SYTL2: variants seen among roughly 807,000 people sequenced by gnomAD.
SYTL2 encodes synaptotagmin like 2.
Under a neutral mutation model 198.7 loss-of-function variants are expected in SYTL2, and 165 were observed. That is an observed-to-expected ratio of 0.83 (90% CI 0.73 to 0.94). The LOEUF (loss-of-function observed/expected upper bound fraction) is 0.94, where lower values mean the gene tolerates loss of function less well. Ranked by LOEUF, SYTL2 falls within the 40% of genes least tolerant of loss-of-function variation. SYTL2 has a pLI of 0.00. For missense variants in SYTL2, 2,835 were observed against 2,582.8 expected (o/e 1.10, Z -2.12); for synonymous variants, 966 against 917.7 (o/e 1.05, Z -0.95).
chr11:85,753,152 C>A (rs1325860817), intron 2 of SYTL2, among the ~76,000 whole-genome samples: 1 of 151,838 alleles, frequency 6.6e-6, no homozygotes, highest in African/African-American at 2.4e-5. Context: ...GAAATGCCAC[C>A]TTTTGAGTAT....
chr11:85,830,847 C>T, the SYTL2 span, among the ~76,000 whole-genome samples: 1 of 152,136 alleles, frequency 6.6e-6, no homozygotes, highest in African/African-American at 2.4e-5. Flanking sequence ...CCACTTCCCC[C>T]ACTTCCTGAT....
chr11:85,851,709 G>C, the SYTL2 span, among the ~76,000 whole-genome samples: 1 of 152,210 alleles, frequency 6.6e-6, no homozygotes, highest in East Asian at 1.9e-4. Flanking sequence ...ATGGGCCCAG[G>C]CTCTCATAAT....
chr11:85,792,607 T>C (rs1361211014), intron 1 of SYTL2, among the ~76,000 whole-genome samples: 1 of 149,066 alleles, frequency 6.7e-6, no homozygotes, highest in Non-Finnish European at 1.5e-5. Flanking sequence ...CTAAGATTCT[T>C]AGTTTCAGAG....
At position 85,726,204 on chromosome 11, in the gene SYTL2, C is replaced by G. The variant is rs141925178; in HGVS notation, c.3154G>C (p.Glu1052Gln). ...AGTATGCCCTTTGAATTTAATTTCT[C>G]CATTTCCTCTCTTGCCATAACTTTT... ...PKKVMAREEM[E>Q]KLNSKGILQV... The change falls in exon 8 of 20, where the codon GAG (glutamate) becomes CAG (glutamine). Residue 1052 changes from glutamate (E) to glutamine (Q), a missense_variant. Glu to Gln is a conservative substitution (Grantham distance 29). This residue lies in a region of SYTL2 where 2,645 missense variants were observed against 2,381.7 expected (regional missense o/e 1.11). Transcript: ENST00000359152. 2.0e-5 allele frequency: 33 copies of G among 1,613,354 alleles called. No individual in the cohort carries two copies. The highest frequency in any genetic ancestry group is 2.8e-5 in the Non-Finnish European group (33 of 1,179,814).
At chr11:85,793,507 C>A (rs908330035) in intron 1 of SYTL2, among the ~76,000 whole-genome samples, 2 of 152,194 alleles carry the variant, frequency 1.3e-5, no homozygotes, top group African/African-American at 4.8e-5. Flanking sequence ...GAACAGTTTT[C>A]TTTTTCCTGT....
rs186800603 is a variant in SYTL2 at position 85,776,192 on chromosome 11, G to A, written c.-389-18078C>T. Among the ~76,000 whole-genome samples, 4 of 152,270 alleles carry A rather than the reference G, an allele frequency of 2.6e-5. No homozygotes were observed. In the East Asian group the frequency reaches 5.8e-4, roughly 22 times the overall value. The stretch of plus-strand genomic sequence containing the variant: ...CCTTCCTCTAGGAGTGGAAGCAGCT[G>A]AAGGTCCTCACCAGATATAGATGCC... On this transcript the variant is annotated intron_variant, in intron 1 of 19. Transcript: ENST00000359152.
chr11:85,741,308 T>C (rs560253716), intron 4 of SYTL2, among the ~76,000 whole-genome samples: 2 of 152,280 alleles, frequency 1.3e-5, no homozygotes, highest in African/African-American at 2.4e-5. Context: ...GGAAGCAAAT[T>C]AGAAAATATC....
intron 14 of SYTL2, 38 bp downstream of exon 14, chr11:85,709,293 G>C (rs758224874): frequency 1.2e-4 from 190 of 1,594,030 alleles, no homozygotes; most frequent in Non-Finnish European, 1.6e-4. Context: ...GACAGTTGGA[G>C]AACTAAGAGA....
chr11:85,816,042 GTAA>G (rs2153669206), upstream of SYTL2, among the ~76,000 whole-genome samples: 1 of 152,228 alleles, frequency 6.6e-6, no homozygotes, highest in African/African-American at 2.4e-5. Flanking sequence ...GTGCATGCCT[GTAA>G]TCCCAGCTAC....
At chr11:85,771,482 G>C (rs2092354194) in intron 1 of SYTL2, among the ~76,000 whole-genome samples, 1 of 152,188 alleles carries the variant, frequency 6.6e-6, no homozygotes, top group Non-Finnish European at 1.5e-5. Context: ...TCAGACAACT[G>C]TTGTTTCAGA....
the SYTL2 span, among the ~76,000 whole-genome samples, chr11:85,848,566 G>A: frequency 5.3e-5 from 8 of 151,940 alleles, no homozygotes; most frequent in East Asian, 1.2e-3. Context: ...TTTGCTTATC[G>A]AGTTACTTTT....
rs964531102 is a variant in SYTL2, at chr11:85,724,260, C to T, written c.5098G>A (p.Glu1700Lys). Residue 1700 changes from glutamate (E) to lysine (K), a missense_variant, in exon 8 of 20, where the codon GAA becomes AAA. Glu to Lys is a moderately conservative substitution (Grantham distance 56). Coordinates refer to ENST00000359152, the MANE Select transcript of SYTL2 (RefSeq NM_206927.4). ...GVAGGQGTLQEPGFGEASEAI... is the reference protein window; with the variant it reads ...GVAGGQGTLQKPGFGEASEAI... ...TCAGAAGCCTCTCCAAAGCCAGGTT[C>T]CTGAAGAGTCCCTTGTCCCCCTGCA... 23 of 1,566,006 alleles carry T rather than the reference C, an allele frequency of 1.5e-5. No individual in the cohort carries two copies. The highest frequency in any genetic ancestry group is 2.8e-5 in the African/African-American group (2 of 72,672).
chr11:85,802,128 G>A (rs1006436689), intron 1 of SYTL2, among the ~76,000 whole-genome samples: 4 of 151,038 alleles, frequency 2.6e-5, no homozygotes, highest in African/African-American at 9.7e-5. Flanking sequence ...CATTCTCCTG[G>A]TATCCCTTCT....
the SYTL2 span, among the ~76,000 whole-genome samples, chr11:85,818,430 G>A: frequency 2.0e-5 from 3 of 152,096 alleles, no homozygotes; most frequent in African/African-American, 7.2e-5. Context: ...TTCAAAAATA[G>A]TTTATTTCCT....
intron 1 of SYTL2, among the ~76,000 whole-genome samples, chr11:85,795,474 G>C (rs1455487920): frequency 6.6e-6 from 1 of 152,140 alleles, no homozygotes; most frequent in Admixed American, 6.5e-5. Flanking sequence ...TCCCTAGTCT[G>C]TGCCAGGCAG....
the SYTL2 span, among the ~76,000 whole-genome samples, chr11:85,837,858 T>C: frequency 6.6e-6 from 1 of 152,178 alleles, no homozygotes; most frequent in Non-Finnish European, 1.5e-5. Flanking sequence ...ACTGGTCTTT[T>C]CCAAACCACG....
At chr11:85,716,919 C>G (rs1428249033) in intron 11 of SYTL2, 3 of 152,118 alleles carry the variant, frequency 2.0e-5, no homozygotes, top group African/African-American at 2.4e-5. Flanking sequence ...ACATTTACTT[C>G]TTAGATTCAC....
intron 13 of SYTL2, 92 bp downstream of exon 13, chr11:85,711,021 C>T: frequency 7.4e-7 from 1 of 1,357,496 alleles, no homozygotes. Flanking sequence ...CTGAGAAATA[C>T]AGGAGGAGGC....
At chr11:85,708,581 C>A (rs562243408) in intron 14 of SYTL2, among the ~76,000 whole-genome samples, 6 of 152,222 alleles carry the variant, frequency 3.9e-5, no homozygotes, top group Non-Finnish European at 5.9e-5. Flanking sequence ...TTCTCTCATT[C>A]TAGAGTCTTA....
Sources: allele counts gnomAD v4.1 joint callset (sites outside exome capture counted in the v4.1 genomes callset), GRCh38; gene constraint gnomAD v4.1.1; regional missense constraint gnomAD v4.1.1; transcripts MANE v1.5; gene names NCBI Gene and HGNC (gene_info 2026-07-23, HGNC 2026-07-21).